FFAR4: variants seen among roughly 807,000 people sequenced by gnomAD.
FFAR4 encodes the protein free fatty acid receptor 4.
A neutral mutation model predicts 27.0 loss-of-function variants in FFAR4; 19 were observed. The observed-to-expected ratio is 0.70, with a 90% confidence interval of 0.49 to 1.03. FFAR4 has a LOEUF of 1.03. Among genes scored for constraint, FFAR4 ranks in the 50% least tolerant of loss-of-function variants. The pLI is 0.00. For missense variants in FFAR4, 476 were observed against 479.0 expected, an observed-to-expected ratio of 0.99 and a Z score of 0.06; for synonymous variants, 254 against 215.6, an observed-to-expected ratio of 1.18 and a Z score of -1.56.
chr10:93,587,098 T>C lies in FFAR4; in HGVS notation c.697-122T>C. ...ACATCCTAAGCTCGGGCACACAAAGTCCCAGAGGCACACAGCTTCAGTGCC... is the reference window on the plus strand; with the variant it reads ...ACATCCTAAGCTCGGGCACACAAAGCCCCAGAGGCACACAGCTTCAGTGCC... On this transcript the variant is annotated intron_variant, in intron 2 of 2. Coordinates refer to ENST00000371481, the MANE Select transcript of FFAR4 (RefSeq NM_001195755.2). 4.9e-6 allele frequency: 4 copies of C among 822,572 alleles called. No individual in the cohort carries two copies. In the South Asian group the frequency reaches 7.1e-5, roughly 15 times the overall value. The allele number at this position is 822,572 out of a possible 1,614,324, so 51.0% of individuals were successfully genotyped here. A position where few individuals can be genotyped will look rare whatever the true frequency, so the allele number is the denominator to read the frequency against.
intron 1 of FFAR4, among the ~76,000 whole-genome samples, chr10:93,574,479 C>T (rs1480540635): frequency 6.6e-6 from 1 of 152,164 alleles, no homozygotes; most frequent in East Asian, 1.9e-4. Context: ...ATTGCTACTG[C>T]TGTCTTGGAA....
At chr10:93,568,882 A>G (rs951534750) in intron 1 of FFAR4, among the ~76,000 whole-genome samples, 1 of 152,176 alleles carries the variant, frequency 6.6e-6, no homozygotes, top group Non-Finnish European at 1.5e-5. Context: ...ACTTGATCAA[A>G]TAACATGCAA....
chr10:93,569,270 T>C (rs1589673495), intron 1 of FFAR4, among the ~76,000 whole-genome samples: 1 of 152,198 alleles, frequency 6.6e-6, no homozygotes, highest in East Asian at 1.9e-4. Context: ...GTGTATTTTG[T>C]GCCTCTCCCT....
rs780906116 is a variant in FFAR4, at chr10:93,587,453, A to C, written c.930A>C (p.Thr310=). ...PSLFFWVVAF[T]FANSALNPIL... is the part of the protein sequence containing the mutation. ...TCTTCTTCTGGGTGGTGGCCTTCACATTTGCTAATTCAGCCCTAAACCCCA... is the reference window on the plus strand; with the variant it reads ...TCTTCTTCTGGGTGGTGGCCTTCACCTTTGCTAATTCAGCCCTAAACCCCA... Residue 310 remains threonine, a synonymous_variant, in exon 3 of 3, where the codon ACA becomes ACC. Coordinates refer to ENST00000371481, the MANE Select transcript of FFAR4 (RefSeq NM_001195755.2). The C allele has an allele frequency of 6.8e-6, 11 of 1,613,720 alleles. No individual in the cohort carries two copies. Among genetic ancestry groups the C allele is most frequent in the African/African-American group, 1.3e-5 (1 of 74,792 alleles).
rs572941376 is a variant in FFAR4 at position 93,569,834 on chromosome 10, G to A, written c.567+2547G>A. ...AGCACTTTGGGAGGCTGAGGTGGGC[G>A]GATCACTTGAGGTCAGGAATTGGAG... On this transcript the variant is annotated intron_variant, in intron 1 of 2. Coordinates refer to ENST00000371481, the MANE Select transcript of FFAR4 (RefSeq NM_001195755.2). Among the ~76,000 whole-genome samples the A allele has an allele frequency of 1.3e-4, 20 of 151,894 alleles. No individual in the cohort carries two copies. In the East Asian group the frequency reaches 1.7e-3, roughly 13 times the overall value.
chr10:93,572,262 G>A (rs529571503), intron 1 of FFAR4, among the ~76,000 whole-genome samples: 2 of 152,330 alleles, frequency 1.3e-5, no homozygotes, highest in African/African-American at 2.4e-5. Context: ...GCTACTGGGA[G>A]ATGGCAGTGT....
In FFAR4 at chr10:93,588,473, G is replaced by A. The variant is rs1194511065; in HGVS notation, c.*864G>A. 6.6e-6 allele frequency: 1 copy of A among 151,712 alleles called. No individual in the cohort carries two copies. The highest frequency in any genetic ancestry group is 2.4e-5 in the African/African-American group (1 of 41,258). The allele number at this position is 151,712 out of a possible 1,614,324, so 9.4% of individuals were successfully genotyped here. ...GCATCATGAAATGAGAGAGAAAGTAGGATGGCTCTGAAATGTTTGAGAGTG... is the reference window on the plus strand; with the variant it reads ...GCATCATGAAATGAGAGAGAAAGTAAGATGGCTCTGAAATGTTTGAGAGTG... On this transcript the variant is annotated 3_prime_UTR_variant, in exon 3 of 3. Transcript: ENST00000371481.
chr10:93,576,276 C>T, intron 2 of FFAR4, 57 bp downstream of exon 2: 1 of 1,594,888 alleles, frequency 6.3e-7, no homozygotes, highest in South Asian at 1.1e-5. Context: ...GTTATTTCTG[C>T]TAGAATCTTA....
chr10:93,579,248 G>T lies in FFAR4; in HGVS notation c.696+3029G>T, dbSNP rs924377369. 1.6e-5 allele frequency: 25 copies of T among 1,538,164 alleles called. No homozygotes were observed. In the Middle Eastern group the frequency reaches 8.4e-4, roughly 52 times the overall value. On this transcript the variant is annotated intron_variant, in intron 2 of 2. Transcript: ENST00000371481. ...AGTAACAGAGTAACAGAGCAAATAT[G>T]TAATTTACATTCCATCACCACCCTC...
Position 93,566,732 on chromosome 10 carries a change from ATG to A in FFAR4, c.13_14del (p.Cys5ArgfsTer97). ...GCCAGGCGCCGGGAATGTCCCCTGA[ATG>A]CGCGCGGGCAGCGGGCGACGCGCCC... The part of the protein sequence containing the change: MSPE[C>X]ARAAGDAPLR... On this transcript the variant is annotated frameshift_variant, in exon 1 of 3. Transcript: ENST00000371481. LOFTEE classifies it high-confidence loss of function. The A allele has an allele frequency of 6.3e-7, 1 of 1,595,634 alleles. No individual in the cohort carries two copies. Among genetic ancestry groups the A allele is most frequent in the East Asian group, 2.2e-5 (1 of 44,454 alleles).
At chr10:93,572,111 G>A (rs1209602858) in intron 1 of FFAR4, among the ~76,000 whole-genome samples, 1 of 152,172 alleles carries the variant, frequency 6.6e-6, no homozygotes, top group Non-Finnish European at 1.5e-5. Context: ...CTAGGTGCTG[G>A]GATGCTGGCT....
At chr10:93,569,536 A>G (rs764574508) in intron 1 of FFAR4, among the ~76,000 whole-genome samples, 134 of 152,110 alleles carry the variant, frequency 8.8e-4, no homozygotes, top group Admixed American at 1.9e-3. Context: ...GTTGTGCTGT[A>G]AGGTGCTTCC....
chr10:93,585,140 G>A (rs1410595730), intron 2 of FFAR4, among the ~76,000 whole-genome samples: 3 of 152,176 alleles, frequency 2.0e-5, no homozygotes, highest in Non-Finnish European at 4.4e-5. Context: ...GGGGACACCT[G>A]TAGGATCTCC....
intron 1 of FFAR4, among the ~76,000 whole-genome samples, chr10:93,574,028 C>T (rs1288956495): frequency 1.3e-5 from 2 of 152,200 alleles, no homozygotes; most frequent in Non-Finnish European, 2.9e-5. Context: ...ACTTCACTTT[C>T]TGGATTGTAT....
At chr10:93,570,614 G>T (rs1490691749) in intron 1 of FFAR4, among the ~76,000 whole-genome samples, 1 of 152,136 alleles carries the variant, frequency 6.6e-6, no homozygotes, top group Non-Finnish European at 1.5e-5. Context: ...CTCCCCTCAA[G>T]GAGCGCTGGC....
chr10:93,575,455 A>T (rs2058158275), intron 1 of FFAR4, among the ~76,000 whole-genome samples: 1 of 152,208 alleles, frequency 6.6e-6, no homozygotes, highest in Non-Finnish European at 1.5e-5. Flanking sequence ...ACAAACCTTC[A>T]CATTCTTCTG....
At chr10:93,582,736 C>T (rs997112789) in intron 2 of FFAR4, among the ~76,000 whole-genome samples, 1 of 152,098 alleles carries the variant, frequency 6.6e-6, no homozygotes. Context: ...TTAGTCTGTT[C>T]TCACACTGCT....
At chr10:93,568,922 C>T (rs991810961) in intron 1 of FFAR4, among the ~76,000 whole-genome samples, 6 of 152,024 alleles carry the variant, frequency 3.9e-5, no homozygotes, top group Non-Finnish European at 7.4e-5. Flanking sequence ...CAAGTGGGGC[C>T]CAGAGAAGCC....
intron 2 of FFAR4, among the ~76,000 whole-genome samples, chr10:93,583,374 C>T (rs1210976884): frequency 6.6e-5 from 10 of 150,890 alleles, no homozygotes; most frequent in Admixed American, 5.3e-4. Context: ...CGAGATGGCG[C>T]CACTGCACTT....
Sources: allele counts gnomAD v4.1 joint callset (sites outside exome capture counted in the v4.1 genomes callset), GRCh38; gene constraint gnomAD v4.1.1; transcripts MANE v1.5; gene names NCBI Gene and HGNC (gene_info 2026-07-23, HGNC 2026-07-21).